UNC5D: variants seen among roughly 807,000 people sequenced by gnomAD.
The protein encoded by UNC5D is unc-5 netrin receptor D.
Under a neutral mutation model 105.4 loss-of-function variants are expected in UNC5D, and 39 were observed. The observed-to-expected ratio is 0.37, with a 90% CI of 0.29 to 0.48. UNC5D has a LOEUF of 0.48. Ranked by LOEUF, UNC5D falls within the 20% of genes least tolerant of loss-of-function variation. The pLI is 0.98. For synonymous variants in UNC5D, 452 were observed against 450.4 expected (o/e 1.00, Z -0.04); for missense variants, 991 against 1,202.4 (o/e 0.82, Z 2.60).
intron 1 of UNC5D, among the ~76,000 whole-genome samples, chr8:35,482,947 C>T (rs959523754): frequency 2.3e-4 from 35 of 151,636 alleles, no homozygotes; most frequent in African/African-American, 7.8e-4. Flanking sequence ...GGATTACAGG[C>T]GCCTGCCACC....
At chr8:35,323,802 T>A (rs1809935587) in intron 1 of UNC5D, among the ~76,000 whole-genome samples, 1 of 152,116 alleles carries the variant, frequency 6.6e-6, no homozygotes, top group African/African-American at 2.4e-5. Flanking sequence ...TATGGAGTGA[T>A]TAAACTATTA....
At chr8:35,640,572 A>G (rs1274323363) in intron 4 of UNC5D, among the ~76,000 whole-genome samples, 1 of 152,214 alleles carries the variant, frequency 6.6e-6, no homozygotes, top group East Asian at 1.9e-4. Context: ...GGTAAGAATC[A>G]CAGACATCTC....
In UNC5D at chr8:35,785,781, T is replaced by C. The variant is rs148266624; in HGVS notation, c.2658-4578T>C. Among the ~76,000 whole-genome samples, 16 of 152,328 alleles carry C rather than the reference T, an allele frequency of 1.1e-4. No homozygotes were observed. In the East Asian group the frequency reaches 2.5e-3, roughly 24 times the overall value. ...AGAACAGAGAAAGTAAGACTTTTAA[T>C]AGCAGTCTTGCAAGATCGGGTGTCT... On this transcript the variant is annotated intron_variant, in intron 16 of 16. Transcript: ENST00000404895.
chr8:35,291,373 T>C (rs932684563), intron 1 of UNC5D, among the ~76,000 whole-genome samples: 3 of 152,218 alleles, frequency 2.0e-5, no homozygotes. Context: ...ACTTATTTAT[T>C]GTTGTATAAG....
chr8:35,748,718 T>A, intron 12 of UNC5D, 23 bp downstream of exon 12: 1 of 1,607,506 alleles, frequency 6.2e-7, no homozygotes. Context: ...ACTTCCTTTT[T>A]TAAACAGTGG....
intron 1 of UNC5D, among the ~76,000 whole-genome samples, chr8:35,381,079 G>A (rs1408818239): frequency 6.6e-6 from 1 of 152,134 alleles, no homozygotes; most frequent in Non-Finnish European, 1.5e-5. Flanking sequence ...GTGTGTGTGT[G>A]TGTGTGAAAA....
At chr8:35,723,630 T>A (rs756429576) in intron 9 of UNC5D, among the ~76,000 whole-genome samples, 6 of 151,946 alleles carry the variant, frequency 3.9e-5, no homozygotes, top group Non-Finnish European at 4.4e-5. Context: ...GGTCTCGAAC[T>A]CCTGGCCTCA....
chr8:35,728,646 A>T (rs1242409397), intron 10 of UNC5D, among the ~76,000 whole-genome samples: 1 of 152,210 alleles, frequency 6.6e-6, no homozygotes, highest in Non-Finnish European at 1.5e-5. Flanking sequence ...GAGCTAAAGT[A>T]TAAAGAAAGC....
rs532572659 is a variant in UNC5D, at chr8:35,499,093, G to A, written c.104-50199G>A. 2.6e-5 allele frequency among the ~76,000 whole-genome samples: 4 copies of A among 152,306 alleles called. No homozygotes were observed. The South Asian group carries it at 8.3e-4, about 32-fold the overall frequency. On this transcript the variant is annotated intron_variant, in intron 1 of 16. Coordinates refer to ENST00000404895, the MANE Select transcript of UNC5D (RefSeq NM_080872.4). ...AATTGATCTGCAAATCAAGTTGAGG[G>A]AAGAGCTTGGGGATTGGTTCAGATG...
chr8:35,442,784 T>C (rs58944235), intron 1 of UNC5D, among the ~76,000 whole-genome samples: 4,240 of 152,002 alleles, frequency 0.028, 225 homozygotes, highest in African/African-American at 0.096. Flanking sequence ...GCTTAGATTA[T>C]ATGAGAGCAA....
At chr8:35,633,437 ATT>A (rs202167016) in intron 4 of UNC5D, among the ~76,000 whole-genome samples, 3 of 151,410 alleles carry the variant, frequency 2.0e-5, no homozygotes, top group Admixed American at 1.3e-4. Context: ...TTTATGTGAG[ATT>A]TTTTTTTAAA....
chr8:35,644,920 T>C (rs1278209219), intron 4 of UNC5D, among the ~76,000 whole-genome samples: 1 of 152,144 alleles, frequency 6.6e-6, no homozygotes. Flanking sequence ...AATTCTGATA[T>C]TGATTCTTTT....
intron 1 of UNC5D, among the ~76,000 whole-genome samples, chr8:35,272,563 A>G (rs143588623): frequency 6.6e-6 from 1 of 152,236 alleles, no homozygotes; most frequent in East Asian, 1.9e-4. Flanking sequence ...TTCATCCCCA[A>G]TGTCACCTAA....
chr8:35,630,482 G>T (rs1374694723), intron 4 of UNC5D, among the ~76,000 whole-genome samples: 2 of 152,178 alleles, frequency 1.3e-5, no homozygotes, highest in South Asian at 4.1e-4. Context: ...GCTAAGGCTG[G>T]TTGGCAACTC....
At chr8:35,279,988 A>ACTTT (rs540619354) in intron 1 of UNC5D, among the ~76,000 whole-genome samples, 8 of 152,206 alleles carry the variant, frequency 5.3e-5, no homozygotes, top group African/African-American at 1.4e-4. Flanking sequence ...AACTACCTTT[A>ACTTT]CTTTCTTTCT....
chr8:35,623,449 GT>G, intron 4 of UNC5D, among the ~76,000 whole-genome samples: 1 of 152,116 alleles, frequency 6.6e-6, no homozygotes, highest in Non-Finnish European at 1.5e-5. Context: ...TGCCAAAATT[GT>G]TTTTCTCCCT....
intron 1 of UNC5D, among the ~76,000 whole-genome samples, chr8:35,315,377 G>A (rs1320680995): frequency 1.3e-5 from 2 of 152,244 alleles, no homozygotes; most frequent in African/African-American, 2.4e-5. Context: ...GTTCATCTGG[G>A]ATGGCCTCAT....
chr8:35,794,227 G>A lies in UNC5D; in HGVS notation c.*3664G>A, dbSNP rs1048745522. The A allele has an allele frequency of 5.9e-5, 9 of 152,114 alleles. No individual in the cohort carries two copies. The highest frequency in any genetic ancestry group is 1.0e-4 in the Non-Finnish European group (7 of 68,026). The allele number at this position is 152,114 out of a possible 1,614,324, so 9.4% of individuals were successfully genotyped here. On this transcript the variant is annotated 3_prime_UTR_variant, in exon 17 of 17. Transcript: ENST00000404895. ...TAGTCCCTCTGCCCTCTGTAAATGTGTTGAGTGATATAGCTATCAGATGTA... is the reference window on the plus strand; with the variant it reads ...TAGTCCCTCTGCCCTCTGTAAATGTATTGAGTGATATAGCTATCAGATGTA...
At chr8:35,369,333 A>G (rs1277863262) in intron 1 of UNC5D, among the ~76,000 whole-genome samples, 2 of 152,206 alleles carry the variant, frequency 1.3e-5, no homozygotes, top group Non-Finnish European at 2.9e-5. Flanking sequence ...TGACATTAAC[A>G]GATAGCATGA....
Sources: gnomAD v4.1 joint callset for allele counts (sites outside exome capture counted in the v4.1 genomes callset) on GRCh38, gnomAD v4.1.1 for gene constraint, MANE v1.5 for transcripts, NCBI Gene and HGNC (gene_info 2026-07-23, HGNC 2026-07-21) for gene names.